AFF2: variants seen among roughly 807,000 people sequenced by gnomAD.
AFF2 encodes ALF transcription elongation factor 2, also known as AF4/FMR2 family member 2.
In AFF2, 14 loss-of-function variants were observed where a neutral mutation model predicts 76.9. The ratio of observed to expected loss-of-function variants is 0.18; its 90% CI spans 0.12 to 0.28. The LOEUF is 0.28. Among genes scored for constraint, AFF2 ranks in the 10% least tolerant of loss-of-function variants. The probability of loss-of-function intolerance (pLI) is 1.00; values close to 1 mark genes in which losing one functional copy is unlikely to be tolerated. For missense variants in AFF2, 868 were observed against 1,001.1 expected, an observed-to-expected ratio of 0.87 and a Z score of 1.79; for synonymous variants, 398 against 366.7, an observed-to-expected ratio of 1.09 and a Z score of -0.98.
intron 4 of AFF2, among the ~76,000 whole-genome samples, chrX:148,835,004 T>C (rs1180862694): frequency 8.9e-6 from 1 of 112,209 alleles, no homozygotes; most frequent in South Asian, 3.7e-4. Flanking sequence ...TTGAAATCAG[T>C]TGTAATTGAA....
intron 9 of AFF2, among the ~76,000 whole-genome samples, chrX:148,946,565 A>G (rs781910574): frequency 1.0e-3 from 114 of 113,050 alleles, no homozygotes; most frequent in Non-Finnish European, 1.9e-3. Flanking sequence ...TCAAGGTGGC[A>G]GCATGGCTGC....
intron 3 of AFF2, among the ~76,000 whole-genome samples, chrX:148,749,638 A>G (rs1364730279): frequency 9.0e-6 from 1 of 111,413 alleles, no homozygotes; most frequent in Non-Finnish European, 1.9e-5. Flanking sequence ...TTCCAAGGCC[A>G]TATGGTCAGA....
At chrX:148,957,734 C>T (rs371743608) in intron 11 of AFF2, among the ~76,000 whole-genome samples, 20 of 112,417 alleles carry the variant, frequency 1.8e-4, no homozygotes, top group African/African-American at 6.5e-4. Context: ...GCTACTCAGC[C>T]TATATTCCAA....
intron 3 of AFF2, among the ~76,000 whole-genome samples, chrX:148,753,600 A>C (rs1392054403): frequency 8.9e-6 from 1 of 112,142 alleles, no homozygotes; most frequent in Non-Finnish European, 1.9e-5. Context: ...TTTGTAAAAC[A>C]TTAATATTGA....
At position 148,850,529 on chromosome X, in the gene AFF2, CA is replaced by C. The variant is rs1557275210; in HGVS notation, c.1262+7097del. ...GTAATGTTGTGATAACACACCCCCA[CA>C]CACACACACATGCATACATATGCTC... On this transcript the variant is annotated intron_variant, in intron 7 of 20. Transcript: ENST00000370460. Among the ~76,000 whole-genome samples the C allele has an allele frequency of 9.9e-5, 11 of 111,535 alleles. No individual in the cohort carries two copies. The East Asian group carries it at 3.1e-3, about 32-fold the overall frequency.
chrX:148,503,997 G>A (rs2052380446), intron 1 of AFF2, among the ~76,000 whole-genome samples: 1 of 111,724 alleles, frequency 9.0e-6, no homozygotes. Flanking sequence ...CTGTGTGCAT[G>A]AAAGACATCA....
intron 7 of AFF2, among the ~76,000 whole-genome samples, chrX:148,880,751 A>G (rs976666678): frequency 2.7e-5 from 3 of 111,715 alleles, no homozygotes; most frequent in African/African-American, 9.8e-5. Flanking sequence ...TCCCTCTCCT[A>G]TATGACAGAG....
intron 8 of AFF2, among the ~76,000 whole-genome samples, chrX:148,902,136 T>C (rs1360258618): frequency 8.9e-6 from 1 of 112,000 alleles, no homozygotes; most frequent in Non-Finnish European, 1.9e-5. Context: ...GAAAAATAAC[T>C]GGGTCTAATT....
At chrX:148,588,820 T>G (rs1449825222) in intron 1 of AFF2, among the ~76,000 whole-genome samples, 1 of 111,695 alleles carries the variant, frequency 9.0e-6, no homozygotes, top group Admixed American at 9.5e-5. Context: ...TCCCTGGTGT[T>G]TCTATTGTGA....
chrX:148,667,309 T>A (rs2124474535), intron 3 of AFF2, among the ~76,000 whole-genome samples: 1 of 112,321 alleles, frequency 8.9e-6, no homozygotes, highest in African/African-American at 3.2e-5. Context: ...AGTTAGATAG[T>A]AAACTCAGGT....
intron 3 of AFF2, among the ~76,000 whole-genome samples, chrX:148,685,421 T>C (rs1557260262): frequency 8.9e-6 from 1 of 112,622 alleles, no homozygotes; most frequent in Non-Finnish European, 1.9e-5. Context: ...TACAGGGCTA[T>C]TGAAAGCATC....
chrX:148,557,827 G>A (rs1437641520), intron 1 of AFF2, among the ~76,000 whole-genome samples: 1 of 112,123 alleles, frequency 8.9e-6, no homozygotes, highest in Non-Finnish European at 1.9e-5. Context: ...CATTAGTCAG[G>A]CAGTGTGTTT....
intron 1 of AFF2, among the ~76,000 whole-genome samples, chrX:148,515,405 C>A (rs1385529847): frequency 2.7e-5 from 3 of 112,017 alleles, no homozygotes; most frequent in Admixed American, 9.5e-5. Context: ...GCTAATAAAG[C>A]CATACTTGTT....
At chrX:148,694,803 C>T (rs943341422) in intron 3 of AFF2, among the ~76,000 whole-genome samples, 1 of 95,646 alleles carries the variant, frequency 1.0e-5, no homozygotes, top group South Asian at 5.4e-4. Flanking sequence ...CAAGGTATCA[C>T]AAAGCACTTT....
At chrX:148,862,501 A>G (rs906847444) in intron 7 of AFF2, among the ~76,000 whole-genome samples, 1 of 111,964 alleles carries the variant, frequency 8.9e-6, no homozygotes, top group Non-Finnish European at 1.9e-5. Flanking sequence ...AGGACTTCCC[A>G]TTATGCCCTC....
At chrX:148,871,077 G>C (rs782168917) in intron 7 of AFF2, among the ~76,000 whole-genome samples, 8 of 111,277 alleles carry the variant, frequency 7.2e-5, no homozygotes, top group Non-Finnish European at 1.5e-4. Flanking sequence ...TGTGGGGAGC[G>C]GGTGGGGGGC....
chrX:148,909,739 G>A (rs1244992091), intron 9 of AFF2, among the ~76,000 whole-genome samples: 1 of 111,509 alleles, frequency 9.0e-6, no homozygotes, highest in East Asian at 2.8e-4. Context: ...TCACTATACT[G>A]GAACCATACT....
Position 148,591,044 on chromosome X carries a change from A to G in AFF2, c.48-60955A>G, listed in dbSNP as rs141334220. 9.1e-3 allele frequency among the ~76,000 whole-genome samples: 1,024 copies of G among 112,178 alleles called. 5 individuals carry two copies. Among genetic ancestry groups the G allele is most frequent in the Non-Finnish European group, 0.014 (759 of 53,211 alleles). On this transcript the variant is annotated intron_variant, in intron 1 of 20. Transcript: ENST00000370460. ...ACCCGTGTTGCCCTCTGGGTATTAT[A>G]TAAACGATGAACTTGTATGTTCATT...
At chrX:148,826,915 G>T (rs2070395054) in intron 4 of AFF2, among the ~76,000 whole-genome samples, 1 of 110,921 alleles carries the variant, frequency 9.0e-6, no homozygotes, top group Non-Finnish European at 1.9e-5. Flanking sequence ...CAAGGAATTT[G>T]ATACCTCTGT....
Sources: allele counts gnomAD v4.1 joint callset (sites outside exome capture counted in the v4.1 genomes callset), GRCh38; gene constraint gnomAD v4.1.1; transcripts MANE v1.5; gene names NCBI Gene and HGNC (gene_info 2026-07-23, HGNC 2026-07-21).